The following TENM1 variants were observed in gnomAD, a reference collection of about 807,000 sequenced individuals.
TENM1 encodes teneurin-1.
A neutral mutation model predicts 174.8 loss-of-function variants in TENM1; 35 were observed. The observed-to-expected ratio is 0.20, with a 90% CI of 0.15 to 0.27. The LOEUF (loss-of-function observed/expected upper bound fraction) is 0.27. Among genes scored for constraint, TENM1 ranks in the 10% least tolerant of loss-of-function variants. The pLI, the probability that TENM1 is intolerant of heterozygous loss-of-function variation, is 1.00. For missense variants in TENM1, 1,633 were observed against 2,130.1 expected (o/e 0.77, Z 4.59); for synonymous variants, 781 against 798.7 (o/e 0.98, Z 0.37).
intron 1 of TENM1, among the ~76,000 whole-genome samples, chrX:124,925,524 T>C (rs1026667784): frequency 1.8e-5 from 2 of 112,248 alleles, no homozygotes; most frequent in Admixed American, 9.5e-5. Context: ...AATATATAGG[T>C]TTGTGTGTGC....
At chrX:125,059,966 T>C in the TENM1 span, among the ~76,000 whole-genome samples, 15,667 of 108,610 alleles carry the variant, frequency 0.14, 2,902 homozygotes, top group African/African-American at 0.5. Context: ...ATGCCTTCAA[T>C]TGGTTGAAGG....
At chrX:124,570,548 C>T (rs898528994) in intron 11 of TENM1, among the ~76,000 whole-genome samples, 7 of 111,036 alleles carry the variant, frequency 6.3e-5, no homozygotes, top group African/African-American at 2.3e-4. Flanking sequence ...AGATTGCTTT[C>T]ACATTTGAAA....
intron 20 of TENM1, among the ~76,000 whole-genome samples, chrX:124,493,928 C>T (rs1379011425): frequency 9.0e-6 from 1 of 111,675 alleles, no homozygotes; most frequent in Non-Finnish European, 1.9e-5. Flanking sequence ...GCTTTCTTCC[C>T]TATGACAGCC....
Position 124,855,248 on chromosome X carries a change from T to G in TENM1, c.535+39048A>C, listed in dbSNP as rs189362565. 3.4e-3 allele frequency among the ~76,000 whole-genome samples: 382 copies of G among 112,046 alleles called. 1 individual carries two copies. The highest frequency in any genetic ancestry group is 3.5e-3 in the Non-Finnish European group (187 of 53,022). ...CATAAGTCATAATTCTTAATTGAAATAAGGATAAGCCTTCACTATAGAAGT... is the reference window on the plus strand; with the variant it reads ...CATAAGTCATAATTCTTAATTGAAAGAAGGATAAGCCTTCACTATAGAAGT... On this transcript the variant is annotated intron_variant, in intron 3 of 31. Transcript: ENST00000422452.
chrX:124,757,095 G>A (rs1287605195), intron 3 of TENM1, among the ~76,000 whole-genome samples: 2 of 112,643 alleles, frequency 1.8e-5, no homozygotes, highest in African/African-American at 6.4e-5. Context: ...TGCCCCCAGA[G>A]GTGGAGCCTA....
the TENM1 span, among the ~76,000 whole-genome samples, chrX:125,200,654 T>TGAGAGAGAGAGAGAGAGAGAGAGA: frequency 4.4e-4 from 41 of 92,416 alleles, no homozygotes; most frequent in African/African-American, 1.7e-3. Context: ...TGTGTGTGTG[T>TGAGAGAGAGAGAGAGAGAGAGAGA]GAGAGAGAGA....
intron 14 of TENM1, among the ~76,000 whole-genome samples, chrX:124,550,915 T>C (rs1172689190): frequency 9.0e-6 from 1 of 111,428 alleles, no homozygotes; most frequent in African/African-American, 3.3e-5. Flanking sequence ...CCTGCCACCA[T>C]GCCCAGCTAA....
At chrX:124,504,718 C>T (rs761480740) in intron 18 of TENM1, among the ~76,000 whole-genome samples, 5 of 111,400 alleles carry the variant, frequency 4.5e-5, no homozygotes, top group Non-Finnish European at 9.4e-5. Context: ...TTTAGATGCC[C>T]CTGAAGAGCT....
chrX:124,406,600 G>GTGA, intron 25 of TENM1, 111 bp from the exon 29 acceptor site: 1 of 466,870 alleles, frequency 2.1e-6, no homozygotes, highest in Non-Finnish European at 3.6e-6. Flanking sequence ...GTGATAACAA[G>GTGA]TATTATTAAC....
At chrX:125,106,448 C>T in the TENM1 span, among the ~76,000 whole-genome samples, 2 of 107,710 alleles carry the variant, frequency 1.9e-5, no homozygotes, top group Non-Finnish European at 3.8e-5. Flanking sequence ...CTCGCTCTGC[C>T]GCCCAGGCTA....
intron 16 of TENM1, among the ~76,000 whole-genome samples, chrX:124,524,828 G>T (rs760035602): frequency 9.0e-6 from 1 of 111,303 alleles, no homozygotes; most frequent in African/African-American, 3.3e-5. Context: ...TTGAGATGAC[G>T]TACTTGAGAG....
At chrX:125,170,119 C>G in the TENM1 span, among the ~76,000 whole-genome samples, 1 of 111,555 alleles carries the variant, frequency 9.0e-6, no homozygotes, top group Non-Finnish European at 1.9e-5. Flanking sequence ...AGGCCTTTAT[C>G]TCCTTAAAAT....
intron 27 of TENM1, among the ~76,000 whole-genome samples, chrX:124,394,669 G>A (rs1420343140): frequency 8.9e-6 from 1 of 112,270 alleles, no homozygotes; most frequent in African/African-American, 3.2e-5. Context: ...ACCATCCAAT[G>A]AAAATCACTG....
intron 6 of TENM1, among the ~76,000 whole-genome samples, chrX:124,657,830 T>G (rs569483361): frequency 8.9e-6 from 1 of 112,089 alleles, no homozygotes; most frequent in Middle Eastern, 4.6e-3. Context: ...TTTGCAAGTT[T>G]CACAAAGTAT....
chrX:125,140,183 G>A, the TENM1 span, among the ~76,000 whole-genome samples: 1 of 111,388 alleles, frequency 9.0e-6, no homozygotes, highest in Non-Finnish European at 1.9e-5. Flanking sequence ...TGTCTAACGC[G>A]ACTGTGCCAC....
At chrX:124,487,117 T>C in intron 21 of TENM1, 92 bp downstream of exon 24, 1 of 902,927 alleles carries the variant, frequency 1.1e-6, no homozygotes, top group Non-Finnish European at 1.6e-6. Context: ...TAACCTTATT[T>C]AGGAAGAAAA....
the TENM1 span, among the ~76,000 whole-genome samples, chrX:124,987,761 C>T: frequency 1.0e-5 from 1 of 95,691 alleles, no homozygotes; most frequent in Admixed American, 1.1e-4. Context: ...AATTTTTTAC[C>T]TTTAAAATGT....
At chrX:124,977,971 A>T in the TENM1 span, among the ~76,000 whole-genome samples, 2,537 of 17,924 alleles carry the variant, frequency 0.14, 44 homozygotes, top group African/African-American at 0.24. Context: ...TGTGTGTGAG[A>T]GAGAGAGAGA....
chrX:124,520,690 A>G, exon 18 of TENM1: 1 of 1,210,699 alleles, frequency 8.3e-7, no homozygotes, highest in Middle Eastern at 2.3e-4. Flanking sequence ...ATGTGTCAGA[A>G]GGATCCGTAG....
Sources: gnomAD v4.1 joint callset for allele counts (sites outside exome capture counted in the v4.1 genomes callset) on GRCh38, gnomAD v4.1.1 for gene constraint, MANE v1.5 for transcripts, NCBI Gene and HGNC (gene_info 2026-07-23, HGNC 2026-07-21) for gene names.